The following CDYL variants were observed in gnomAD, a reference collection of about 807,000 sequenced individuals.
CDYL encodes the protein chromodomain Y-like protein.
In CDYL, 8 loss-of-function variants were observed where a neutral mutation model predicts 47.3. The ratio of observed to expected loss-of-function variants is 0.17; its 90% CI spans 0.10 to 0.31. CDYL has a LOEUF of 0.31. CDYL is among the 10% of genes least tolerant of loss of function. The pLI is 1.00. For synonymous variants in CDYL, 266 were observed against 265.0 expected, an observed-to-expected ratio of 1.00 and a Z score of -0.04; for missense variants, 471 against 701.4, an observed-to-expected ratio of 0.67 and a Z score of 3.71.
rs200158214 is a variant in CDYL, at chr6:4,943,791, A to T, written c.1332+35A>T. The T allele has an allele frequency of 9.3e-6, 12 of 1,288,020 alleles. No individual in the cohort carries two copies. In the East Asian group the frequency reaches 2.8e-4, roughly 30 times the overall value. The allele number at this position is 1,288,020 out of a possible 1,614,324, so 79.8% of individuals were successfully genotyped here. On this transcript the variant is annotated intron_variant, in intron 5 of 6. Coordinates refer to ENST00000397588, the MANE Select transcript of CDYL (RefSeq NM_004824.4). ...TTTTTAAAAAAAAAAAAAAAAAGTC[A>T]TTCTAGAAAGCTTCCTGAAGAAATC...
intron 3 of CDYL, among the ~76,000 whole-genome samples, chr6:4,742,858 C>T (rs562907489): frequency 1.6e-4 from 24 of 152,320 alleles, no homozygotes; most frequent in South Asian, 4.1e-4. Context: ...TGGTTTCCAC[C>T]GCCAACTTCT....
At position 4,779,720 on chromosome 6, in the gene CDYL, C is replaced by G. The variant is rs144321368; in HGVS notation, c.24+2913C>G. On this transcript the variant is annotated intron_variant, in intron 1 of 6. Coordinates refer to ENST00000397588, the MANE Select transcript of CDYL (RefSeq NM_004824.4). ...GTAGGTTAGAACTTCATAGTTTTCA[C>G]AAAAAGACAAGCGTCCTTTACATCA... Among the ~76,000 whole-genome samples the G allele has an allele frequency of 7.4e-4, 113 of 152,200 alleles. 2 individuals carry two copies. Among genetic ancestry groups the G allele is most frequent in the African/African-American group, 2.3e-3 (94 of 41,524 alleles).
intron 2 of CDYL, among the ~76,000 whole-genome samples, chr6:4,911,059 C>A (rs1369726692): frequency 6.6e-6 from 1 of 152,144 alleles, no homozygotes; most frequent in Non-Finnish European, 1.5e-5. Flanking sequence ...ATCTCTTGAC[C>A]TCGTGATCCA....
At chr6:4,937,404 G>A (rs930768842) in intron 3 of CDYL, among the ~76,000 whole-genome samples, 161 bp from the exon 4 acceptor site, 2 of 152,138 alleles carry the variant, frequency 1.3e-5, no homozygotes, top group South Asian at 4.1e-4. Context: ...GCGGAGGCGG[G>A]AGGATTGTTT....
At chr6:4,713,862 A>G (rs1356759389) in intron 1 of CDYL, among the ~76,000 whole-genome samples, 1 of 152,212 alleles carries the variant, frequency 6.6e-6, no homozygotes, top group East Asian at 1.9e-4. Flanking sequence ...TGCTGAGATT[A>G]CAGGTGTGAG....
intron 1 of CDYL, among the ~76,000 whole-genome samples, chr6:4,795,692 G>A (rs1053732720): frequency 1.3e-5 from 2 of 150,816 alleles, no homozygotes; most frequent in African/African-American, 4.9e-5. Flanking sequence ...TTTTCTCTTA[G>A]AGGTATTTCT....
At chr6:4,949,045 TAAAAA>T (rs1758615932) in intron 5 of CDYL, among the ~76,000 whole-genome samples, 1 of 152,232 alleles carries the variant, frequency 6.6e-6, no homozygotes, top group East Asian at 1.9e-4. Context: ...ATTATCAAGA[TAAAAA>T]GAATATGCAA....
intron 3 of CDYL, among the ~76,000 whole-genome samples, chr6:4,756,774 G>C (rs1200724387): frequency 6.6e-6 from 1 of 151,918 alleles, no homozygotes; most frequent in African/African-American, 2.4e-5. Flanking sequence ...GAGGCAACAG[G>C]GTATAATAAA....
At chr6:4,767,673 A>G (rs927541701) in intron 3 of CDYL, among the ~76,000 whole-genome samples, 1 of 152,088 alleles carries the variant, frequency 6.6e-6, no homozygotes, top group Non-Finnish European at 1.5e-5. Context: ...GGCCTACAAA[A>G]TTCCTTCAGC....
At chr6:4,900,811 ATATATATATATATATATATCT>A (rs761520242) in intron 2 of CDYL, among the ~76,000 whole-genome samples, 9,735 of 109,194 alleles carry the variant, frequency 0.089, 825 homozygotes, top group South Asian at 0.15. Context: ...ATATATATAT[ATATATATATATATATATATCT>A]TGCCTGTTTT....
At chr6:4,895,120 T>C (rs1220137274) in intron 2 of CDYL, among the ~76,000 whole-genome samples, 3 of 145,832 alleles carry the variant, frequency 2.1e-5, no homozygotes, top group African/African-American at 7.4e-5. Flanking sequence ...TCTATATGCA[T>C]ATATATGTGC....
chr6:4,734,758 C>T, intron 2 of CDYL: 1 of 1,614,022 alleles, frequency 6.2e-7, no homozygotes, highest in Non-Finnish European at 8.5e-7. Flanking sequence ...TTATTCTGTG[C>T]TAGTGTCAGC....
intron 1 of CDYL, among the ~76,000 whole-genome samples, chr6:4,828,314 G>A (rs919807890): frequency 7.0e-6 from 1 of 143,488 alleles, no homozygotes; most frequent in Non-Finnish European, 1.5e-5. Context: ...CTGGAGTGCG[G>A]TGGCATGATC....
chr6:4,870,455 AC>A (rs1305839278), intron 1 of CDYL, among the ~76,000 whole-genome samples: 1 of 152,130 alleles, frequency 6.6e-6, no homozygotes, highest in African/African-American at 2.4e-5. Context: ...TTTAGCTTCC[AC>A]CAGTTTAAGT....
intron 5 of CDYL, among the ~76,000 whole-genome samples, chr6:4,947,599 G>A (rs769636908): frequency 4.6e-5 from 7 of 152,168 alleles, no homozygotes; most frequent in Admixed American, 6.5e-5. Context: ...GGCCTGTTGG[G>A]GGGTGGTCCC....
intron 1 of CDYL, among the ~76,000 whole-genome samples, chr6:4,810,781 A>G (rs895756752): frequency 6.6e-6 from 1 of 152,220 alleles, no homozygotes; most frequent in Admixed American, 6.5e-5. Context: ...GGGACTAGCC[A>G]GGTCTCTTAT....
At chr6:4,780,576 G>C (rs2127430162) in intron 1 of CDYL, among the ~76,000 whole-genome samples, 1 of 151,148 alleles carries the variant, frequency 6.6e-6, no homozygotes, top group African/African-American at 2.4e-5. Context: ...GCCTTCCCTT[G>C]TTCTTAGAAG....
rs116683816 is a variant in CDYL at position 4,810,802 on chromosome 6, A to G, written c.24+33995A>G. Among the ~76,000 whole-genome samples, 1,171 of 152,244 alleles carry G rather than the reference A, an allele frequency of 7.7e-3. 16 individuals are homozygous for G. The highest frequency in any genetic ancestry group is 0.027 in the African/African-American group (1,128 of 41,532). The stretch of plus-strand genomic sequence containing the variant: ...AGCCAGGTCTCTTATCAGGGCACCA[A>G]TCCCATTCATGAGGGCAGAGCCTTG... On this transcript the variant is annotated intron_variant, in intron 1 of 6. Transcript: ENST00000397588.
At chr6:4,876,794 T>C (rs948957950) in intron 1 of CDYL, among the ~76,000 whole-genome samples, 42 of 152,224 alleles carry the variant, frequency 2.8e-4, no homozygotes, top group African/African-American at 9.6e-4. Context: ...GGGAATGACA[T>C]GAATTTTGTG....
Sources: allele counts gnomAD v4.1 joint callset (sites outside exome capture counted in the v4.1 genomes callset), GRCh38; gene constraint gnomAD v4.1.1; transcripts MANE v1.5; gene names NCBI Gene and HGNC (gene_info 2026-07-23, HGNC 2026-07-21).